PIEZO2: variants seen among roughly 807,000 people sequenced by gnomAD.
The protein encoded by PIEZO2 is piezo type mechanosensitive ion channel component 2.
Under a neutral mutation model 337.3 loss-of-function variants are expected in PIEZO2, and 172 were observed. That is an observed-to-expected ratio of 0.51 (90% CI 0.45 to 0.58). PIEZO2 has a LOEUF of 0.58. Among genes scored for constraint, PIEZO2 ranks in the 20% least tolerant of loss-of-function variants. The pLI is 0.00. For missense variants in PIEZO2, 3,028 were observed against 3,391.3 expected (o/e 0.89, Z 2.66); for synonymous variants, 1,251 against 1,228.5 (o/e 1.02, Z -0.38).
chr18:10,795,393 T>C lies in PIEZO2; in HGVS notation c.1528-391A>G, dbSNP rs1341691855. Among the ~76,000 whole-genome samples, 2 of 22,436 alleles carry C rather than the reference T, an allele frequency of 8.9e-5. No homozygotes were observed. Among genetic ancestry groups the C allele is most frequent in the African/African-American group, 2.9e-4 (2 of 6,902 alleles). The allele number at this position is 22,436 out of a possible 152,430, so 14.7% of individuals were successfully genotyped here. On this transcript the variant is annotated intron_variant, in intron 12 of 55. Coordinates refer to ENST00000674853, the MANE Select transcript of PIEZO2 (RefSeq NM_001378183.1). This position sits in a 1 kb window ranked among gnomAD's most constrained non-coding sequence, Gnocchi z 4.4. The stretch of plus-strand genomic sequence containing the variant: ...TATTTTATTTTATTTTATTTTATTT[T>C]ATTTTATTTTATTTTATTCAGCTCT...
chr18:10,797,024 TATC>T (rs2039626179), intron 12 of PIEZO2, among the ~76,000 whole-genome samples: 2 of 139,414 alleles, frequency 1.4e-5, no homozygotes, highest in South Asian at 2.3e-4. Flanking sequence ...CATACCATCA[TATC>T]ATATCTTACA....
rs1196114286 is a variant in PIEZO2 at position 10,784,059 on chromosome 18, C to A, written c.2492+725G>T. On this transcript the variant is annotated intron_variant, in intron 17 of 55. Transcript: ENST00000674853. The surrounding 1 kb of genome is among the most constrained non-coding windows in gnomAD (Gnocchi z 4.5). The stretch of plus-strand genomic sequence containing the variant: ...ATTTTTCCAATATCTGAATCATAGG[C>A]TAAACATGAGGCAGAAAGGAAAACC... Among the ~76,000 whole-genome samples the A allele has an allele frequency of 6.6e-6, 1 of 152,144 alleles. No individual in the cohort carries two copies. The highest frequency in any genetic ancestry group is 2.4e-5 in the African/African-American group (1 of 41,416).
rs1412347444 is a variant in PIEZO2 at position 11,125,709 on chromosome 18, C to G, written c.64+22816G>C. Among the ~76,000 whole-genome samples the G allele has an allele frequency of 6.6e-6, 1 of 152,212 alleles. No individual in the cohort carries two copies. Among genetic ancestry groups the G allele is most frequent in the African/African-American group, 2.4e-5 (1 of 41,464 alleles). On this transcript the variant is annotated intron_variant, in intron 1 of 55. Transcript: ENST00000674853. The surrounding 1 kb of genome is among the most constrained non-coding windows in gnomAD (Gnocchi z 4.4). ...CAGGAAAAGAGAGTCTAGTTCAGGG[C>G]AGGACAACATTCCAGCCCCCACTGA... is the stretch of plus-strand genomic sequence containing the variant.
rs1468664861 is a variant in PIEZO2, at chr18:11,009,672, T to G, written c.161-30012A>C. ...TGGGTTAAATCGTGTCCCCTTCATA[T>G]GCTAAGTTCATATGTCAAAGTCCTA... is the stretch of plus-strand genomic sequence containing the variant. On this transcript the variant is annotated intron_variant, in intron 2 of 55. Transcript: ENST00000674853. The surrounding 1 kb of genome is among the most constrained non-coding windows in gnomAD (Gnocchi z 4.6). 1.3e-5 allele frequency among the ~76,000 whole-genome samples: 2 copies of G among 152,240 alleles called. No homozygotes were observed.
intron 1 of PIEZO2, among the ~76,000 whole-genome samples, chr18:11,071,707 T>C (rs934524866): frequency 3.3e-5 from 5 of 152,090 alleles, no homozygotes; most frequent in South Asian, 2.1e-4. Context: ...TCAATTCCCA[T>C]AGGAGAAGCA....
At chr18:10,700,791 T>C (rs8094138) in intron 43 of PIEZO2, among the ~76,000 whole-genome samples, 34,566 of 152,184 alleles carry the variant, frequency 0.23, 3,973 homozygotes, top group South Asian at 0.28. Flanking sequence ...TTCAAGTAAT[T>C]AACATATCCA....
At chr18:10,920,213 T>G (rs2031298373) in intron 3 of PIEZO2, among the ~76,000 whole-genome samples, 1 of 152,124 alleles carries the variant, frequency 6.6e-6, no homozygotes, top group African/African-American at 2.4e-5. Context: ...TGACTTCTAT[T>G]ATCTTTCTAC....
In PIEZO2 at chr18:11,083,047, C is replaced by T. The variant is rs188984496; in HGVS notation, c.65-16825G>A. 1.3e-5 allele frequency among the ~76,000 whole-genome samples: 2 copies of T among 152,274 alleles called. No individual in the cohort carries two copies. The highest frequency in any genetic ancestry group is 2.9e-5 in the Non-Finnish European group (2 of 68,020). ...AGTTGCCTTATGGATGTGGACATCA[C>T]CTCTTGATTCTGCAGAGTTCACTTA... On this transcript the variant is annotated intron_variant, in intron 1 of 55. Coordinates refer to ENST00000674853, the MANE Select transcript of PIEZO2 (RefSeq NM_001378183.1). The surrounding 1 kb of genome is among the most constrained non-coding windows in gnomAD (Gnocchi z 4.4).
intron 49 of PIEZO2, among the ~76,000 whole-genome samples, chr18:10,684,936 T>C (rs2034482902): frequency 1.3e-5 from 2 of 152,188 alleles, no homozygotes; most frequent in African/African-American, 4.8e-5. Context: ...GTCGTGATCA[T>C]GGCTCATGGC....
chr18:10,804,500 C>T lies in PIEZO2; in HGVS notation c.1081-506G>A, dbSNP rs143353413. 1.6e-4 allele frequency among the ~76,000 whole-genome samples: 24 copies of T among 152,282 alleles called. No homozygotes were observed. The East Asian group carries it at 1.7e-3, about 11-fold the overall frequency. ...CTAGGAAAGGTGATAGAGAGGAATA[C>T]GAGGAACAGAAGCGCTTCGGTGCCT... On this transcript the variant is annotated intron_variant, in intron 8 of 55. Coordinates refer to ENST00000674853, the MANE Select transcript of PIEZO2 (RefSeq NM_001378183.1).
chr18:10,714,601 T>G (rs2035939849), intron 39 of PIEZO2, among the ~76,000 whole-genome samples, 163 bp downstream of exon 39: 1 of 152,206 alleles, frequency 6.6e-6, no homozygotes, highest in Admixed American at 6.5e-5. Flanking sequence ...GTGAGGACAA[T>G]GTTCCTTATA....
chr18:10,902,972 T>G (rs988018016), intron 4 of PIEZO2, among the ~76,000 whole-genome samples: 2 of 152,180 alleles, frequency 1.3e-5, no homozygotes, highest in African/African-American at 4.8e-5. Context: ...CTGGTGCATT[T>G]GTACACTACT....
At position 10,828,653 on chromosome 18, in the gene PIEZO2, A is replaced by G. The variant is rs1448047968; in HGVS notation, c.918-21379T>C. 6.6e-6 allele frequency among the ~76,000 whole-genome samples: 1 copy of G among 152,220 alleles called. No homozygotes were observed. The highest frequency in any genetic ancestry group is 1.5e-5 in the Non-Finnish European group (1 of 68,046). On this transcript the variant is annotated intron_variant, in intron 7 of 55. Transcript: ENST00000674853. The surrounding 1 kb of genome is among the most constrained non-coding windows in gnomAD (Gnocchi z 4.1). ...TCTCATACCAAATCCTTATGCCAAT[A>G]ATAGCACCATGCGGGTGGCAATACT...
chr18:10,799,695 G>A lies in PIEZO2; in HGVS notation c.1378+642C>T, dbSNP rs151196704. Among the ~76,000 whole-genome samples, 630 of 152,262 alleles carry A rather than the reference G, an allele frequency of 4.1e-3. 3 individuals are homozygous for A. The highest frequency in any genetic ancestry group is 0.015 in the African/African-American group (604 of 41,542). On this transcript the variant is annotated intron_variant, in intron 11 of 55. Coordinates refer to ENST00000674853, the MANE Select transcript of PIEZO2 (RefSeq NM_001378183.1). ...AAGGACTCTTAAAAAACACTCAGCCGGGTGCGGTGGCCCACCCCTGTAGTC... is the reference window on the plus strand; with the variant it reads ...AAGGACTCTTAAAAAACACTCAGCCAGGTGCGGTGGCCCACCCCTGTAGTC...
intron 48 of PIEZO2, 124 bp downstream of exon 48, chr18:10,691,101 A>T (rs538983233): frequency 8.9e-7 from 1 of 1,127,426 alleles, no homozygotes; most frequent in Admixed American, 2.3e-5. Flanking sequence ...ACATCGTAAG[A>T]GTTCCACAAC....
intron 2 of PIEZO2, among the ~76,000 whole-genome samples, chr18:10,981,532 A>G (rs1301566165): frequency 6.6e-6 from 1 of 152,228 alleles, no homozygotes; most frequent in Admixed American, 6.5e-5. Flanking sequence ...CCATCCAGGC[A>G]TGATAATACT....
intron 4 of PIEZO2, among the ~76,000 whole-genome samples, chr18:10,881,864 T>C (rs1273206164): frequency 6.6e-6 from 1 of 152,176 alleles, no homozygotes; most frequent in Non-Finnish European, 1.5e-5. Flanking sequence ...AGCCTGGTGA[T>C]CAGCCCCACG....
chr18:11,072,682 C>A (rs965255988), intron 1 of PIEZO2, among the ~76,000 whole-genome samples: 2 of 152,198 alleles, frequency 1.3e-5, no homozygotes, highest in Non-Finnish European at 2.9e-5. Flanking sequence ...AAGAAGCAGG[C>A]CCAGTGGGTA....
At chr18:10,740,998 C>G in intron 33 of PIEZO2, 33 bp downstream of exon 33, 1 of 1,529,416 alleles carries the variant, frequency 6.5e-7, no homozygotes, top group Non-Finnish European at 8.8e-7. Context: ...GGGTTAGAGT[C>G]GATGAGGTTG....
Sources: allele counts gnomAD v4.1 joint callset (sites outside exome capture counted in the v4.1 genomes callset), GRCh38; gene constraint gnomAD v4.1.1; non-coding constraint Gnocchi (gnomAD v3.1); transcripts MANE v1.5; gene names NCBI Gene and HGNC (gene_info 2026-07-23, HGNC 2026-07-21).